Variants in PGM3 observed in about 807,000 individuals in gnomAD.
PGM3 encodes phosphoacetylglucosamine mutase.
PGM3 carries 40 observed loss-of-function variants against 66.2 expected under a neutral mutation model. That is an observed-to-expected ratio of 0.60 (90% CI 0.47 to 0.79). The LOEUF is 0.79. Among genes scored for constraint, PGM3 ranks in the 30% least tolerant of loss-of-function variants. The pLI is 0.00. For missense variants in PGM3, 537 were observed against 643.4 expected, an observed-to-expected ratio of 0.83 and a Z score of 1.79; for synonymous variants, 191 against 224.2, an observed-to-expected ratio of 0.85 and a Z score of 1.32.
chr6:83,170,648 T>TTCTTCAGTCTATAAAGAATTAC, intron 11 of PGM3, 170 bp from the exon 12 acceptor site: 1 of 596,278 alleles, frequency 1.7e-6, no homozygotes, highest in Non-Finnish European at 2.9e-6. Flanking sequence ...TTTTCTCTTT[T>TTCTTCAGTCTATAAAGAATTAC]TCTTCAGTCT....
the PGM3 span, chr6:83,154,031 C>G: frequency 1.2e-6 from 2 of 1,613,956 alleles, no homozygotes; most frequent in Non-Finnish European, 1.7e-6. Flanking sequence ...ATGGATGCCT[C>G]TTGTGTTAAT....
At chr6:83,169,624 C>A (rs945869933) in intron 12 of PGM3, 1 of 461,854 alleles carries the variant, frequency 2.2e-6, no homozygotes, top group South Asian at 1.7e-5. Context: ...ATTGGCCTAA[C>A]AGTAAGTAAG....
At position 83,167,159 on chromosome 6, in the gene PGM3, A is replaced by G; in HGVS notation, c.*2075T>C. The stretch of plus-strand genomic sequence containing the variant: ...CTTCTCTACTAAAAGGTAGTTTTAG[A>G]CTGTCCCATTTTATAAGTGAGGAAC... On this transcript the variant is annotated 3_prime_UTR_variant, in exon 13 of 13. Transcript: ENST00000513973. 1.1e-6 allele frequency: 1 copy of G among 905,154 alleles called. No homozygotes were observed. The highest frequency in any genetic ancestry group is 1.8e-5 in the African/African-American group (1 of 55,784). The allele number at this position is 905,154 out of a possible 1,614,324, so 56.1% of individuals were successfully genotyped here. A position where few individuals can be genotyped will look rare whatever the true frequency, so the allele number is the denominator to read the frequency against.
At chr6:83,149,508 G>A in the PGM3 span, among the ~76,000 whole-genome samples, 6 of 152,142 alleles carry the variant, frequency 3.9e-5, no homozygotes, top group East Asian at 1.2e-3. Context: ...ATAGAGCAGG[G>A]CACAGGCAGT....
rs1788970714 is a variant in PGM3, at chr6:83,190,622, AC to A, written c.204+186del. The A allele has an allele frequency of 1.2e-5, 7 of 594,204 alleles. No individual in the cohort carries two copies. In the East Asian group the frequency reaches 1.9e-4, roughly 16 times the overall value. The allele number at this position is 594,204 out of a possible 1,614,324, so 36.8% of individuals were successfully genotyped here. A position where few individuals can be genotyped will look rare whatever the true frequency, so the allele number is the denominator to read the frequency against. ...GACAGTATCTTTTCATTCTTTCCAC[AC>A]CCTTAGGAATCATGAGCTTAATGAT... On this transcript the variant is annotated intron_variant, in intron 2 of 12. Transcript: ENST00000513973.
intron 8 of PGM3, 50 bp downstream of exon 8, chr6:83,178,623 A>G: frequency 1.0e-6 from 1 of 998,936 alleles, no homozygotes; most frequent in African/African-American, 1.6e-5. Context: ...TTTCTCACAG[A>G]AACATGATCT....
In PGM3 at chr6:83,168,718, A is replaced by G. The variant is rs1177026061; in HGVS notation, c.*516T>C. ...ATGGAAGAGGGATGGACAACCCCCT[A>G]TTCATACCTCTGAGTTCCTGATGGC... On this transcript the variant is annotated 3_prime_UTR_variant, in exon 13 of 13. Transcript: ENST00000513973. 4.0e-6 allele frequency: 4 copies of G among 997,452 alleles called. No homozygotes were observed. The highest frequency in any genetic ancestry group is 4.8e-6 in the Non-Finnish European group (4 of 836,684). The allele number at this position is 997,452 out of a possible 1,614,324, so 61.8% of individuals were successfully genotyped here.
At chr6:83,148,816 C>A in the PGM3 span, 1 of 1,554,946 alleles carries the variant, frequency 6.4e-7, no homozygotes, top group Non-Finnish European at 8.6e-7. Flanking sequence ...TTCTGAAAGA[C>A]TCTATACAAC....
the PGM3 span, chr6:83,148,726 T>C: frequency 1.7e-5 from 24 of 1,375,520 alleles, no homozygotes; most frequent in Non-Finnish European, 2.4e-5. Flanking sequence ...CATAGTTTAT[T>C]GTGGCTTTTG....
At chr6:83,188,398 T>C in intron 3 of PGM3, 1 of 445,918 alleles carries the variant, frequency 2.2e-6, no homozygotes, top group East Asian at 3.4e-5. Flanking sequence ...GCAGCTTGGG[T>C]TTTGGAGTAG....
Position 83,166,168 on chromosome 6 carries a change from T to A in PGM3, c.*3066A>T, listed in dbSNP as rs933130352. ...ATTTTTTTATTTTTCACTCAGCTCA[T>A]GAGGCACCCATTTATTGAGCTTTTT... On this transcript the variant is annotated 3_prime_UTR_variant, in exon 13 of 13. Transcript: ENST00000513973. 1.4e-5 allele frequency: 7 copies of A among 509,070 alleles called. No homozygotes were observed. Among genetic ancestry groups the A allele is most frequent in the Non-Finnish European group, 2.4e-5 (7 of 289,496 alleles). The allele number at this position is 509,070 out of a possible 1,614,324, so 31.5% of individuals were successfully genotyped here.
At chr6:83,189,135 C>T (rs1206916164) in intron 2 of PGM3, among the ~76,000 whole-genome samples, 1 of 152,178 alleles carries the variant, frequency 6.6e-6, no homozygotes, top group East Asian at 1.9e-4. Context: ...CTATCTTACT[C>T]GCCTAAAAAC....
chr6:83,151,529 T>G, the PGM3 span: 1 of 1,330,242 alleles, frequency 7.5e-7, no homozygotes, highest in East Asian at 2.3e-5. Context: ...CGTGAGAAAT[T>G]AGATCGCATT....
intron 6 of PGM3, among the ~76,000 whole-genome samples, 155 bp downstream of exon 6, chr6:83,181,581 A>G (rs138759408): frequency 2.0e-5 from 3 of 152,334 alleles, no homozygotes; most frequent in East Asian, 1.9e-4. Context: ...CCATGTTTCA[A>G]TGGCTCTGAG....
At position 83,166,670 on chromosome 6, in the gene PGM3, G is replaced by T. The variant is rs1265283804; in HGVS notation, c.*2564C>A. The T allele has an allele frequency of 7.9e-7, 1 of 1,270,278 alleles. No individual in the cohort carries two copies. Among genetic ancestry groups the T allele is most frequent in the Non-Finnish European group, 1.0e-6 (1 of 1,001,728 alleles). 78.7% of individuals were successfully genotyped at this position (1,270,278 alleles called of 1,614,324 possible). A position where few individuals can be genotyped will look rare whatever the true frequency, so the allele number is the denominator to read the frequency against. On this transcript the variant is annotated 3_prime_UTR_variant, in exon 13 of 13. Coordinates refer to ENST00000513973, the MANE Select transcript of PGM3 (RefSeq NM_015599.3). ...TCAACAATGCAAAAACCGCAATTAC[G>T]TTTGCACCAACCTAATATTTTCCTT...
chr6:83,149,011 C>T, the PGM3 span: 1 of 473,320 alleles, frequency 2.1e-6, no homozygotes, highest in South Asian at 5.1e-5. Flanking sequence ...TGTATAAGGC[C>T]TGTTTAAGAA....
chr6:83,162,873 A>C, downstream of PGM3: 1 of 1,613,506 alleles, frequency 6.2e-7, no homozygotes, highest in Non-Finnish European at 8.5e-7. Context: ...CGAGAATTTA[A>C]ACCTTACGTG....
chr6:83,163,243 T>TTA (rs1784655471), downstream of PGM3, among the ~76,000 whole-genome samples: 1 of 152,178 alleles, frequency 6.6e-6, no homozygotes, highest in South Asian at 2.1e-4. Context: ...ATGTGAGTAT[T>TTA]TAAGACTGTA....
downstream of PGM3, chr6:83,159,673 C>A (rs919106993): frequency 9.5e-7 from 1 of 1,055,388 alleles, no homozygotes. Context: ...CCTTGCTTAG[C>A]AATTACTGGC....
Sources: allele counts gnomAD v4.1 joint callset (sites outside exome capture counted in the v4.1 genomes callset), GRCh38; gene constraint gnomAD v4.1.1; transcripts MANE v1.5; gene names NCBI Gene and HGNC (gene_info 2026-07-23, HGNC 2026-07-21).